The following FAT4 variants were observed in gnomAD, a reference collection of about 807,000 sequenced individuals.
FAT4 encodes the protein protocadherin Fat 4.
FAT4 carries 84 observed loss-of-function variants against 303.9 expected under a neutral mutation model. The ratio of observed to expected loss-of-function variants is 0.28; its 90% CI spans 0.23 to 0.33. FAT4 has a LOEUF of 0.33. FAT4 is among the 10% of genes least tolerant of loss of function. FAT4 has a pLI of 1.00. For missense variants in FAT4, 6,005 were observed against 6,146.8 expected (o/e 0.98, Z 0.77); for synonymous variants, 2,307 against 2,298.8 (o/e 1.00, Z -0.10).
At chr4:125,475,485 CA>C (rs1249467141) in intron 12 of FAT4, among the ~76,000 whole-genome samples, 1 of 151,930 alleles carries the variant, frequency 6.6e-6, no homozygotes, top group Non-Finnish European at 1.5e-5. Context: ...CCTTAGAATG[CA>C]AAAATACTAC....
intron 12 of FAT4, among the ~76,000 whole-genome samples, chr4:125,470,414 A>T (rs1197254607): frequency 6.6e-6 from 1 of 152,166 alleles, no homozygotes; most frequent in Non-Finnish European, 1.5e-5. Context: ...TTCTCTAGCT[A>T]TGAAAATCCT....
intron 10 of FAT4, among the ~76,000 whole-genome samples, chr4:125,461,740 T>C (rs1346916811): frequency 6.6e-6 from 1 of 151,952 alleles, no homozygotes; most frequent in Admixed American, 6.6e-5. Context: ...TATTACTTTA[T>C]TGATGACAAC....
At chr4:125,435,468 G>A (rs1725419537) in intron 8 of FAT4, among the ~76,000 whole-genome samples, 1 of 152,166 alleles carries the variant, frequency 6.6e-6, no homozygotes, top group African/African-American at 2.4e-5. Flanking sequence ...ATACGGATAT[G>A]GTAATGAGCT....
At chr4:125,484,215 A>T (rs1322164225) in intron 16 of FAT4, among the ~76,000 whole-genome samples, 1 of 152,076 alleles carries the variant, frequency 6.6e-6, no homozygotes, top group African/African-American at 2.4e-5. Flanking sequence ...AATAGTGATG[A>T]GAGGAGAGAG....
intron 11 of FAT4, among the ~76,000 whole-genome samples, chr4:125,464,510 T>C (rs1726591513): frequency 6.6e-6 from 1 of 151,756 alleles, no homozygotes; most frequent in Non-Finnish European, 1.5e-5. Flanking sequence ...GTCCCCTTTG[T>C]ATATCTATTT....
rs1236758384 is a variant in FAT4 at position 125,415,481 on chromosome 4, T to C, written c.6518T>C (p.Ile2173Thr). 2 of 1,614,078 alleles carry C rather than the reference T, an allele frequency of 1.2e-6. No individual in the cohort carries two copies. Among genetic ancestry groups the C allele is most frequent in the Non-Finnish European group, 1.7e-6 (2 of 1,179,972 alleles). Residue 2173 changes from isoleucine to threonine, a missense_variant, in exon 6 of 18, where the codon ATA becomes ACA. Coordinates refer to ENST00000394329, the MANE Select transcript of FAT4 (RefSeq NM_001291303.3). ...INENTLTGTD[I>T]IQVFAADGDE... ...GAAAACACACTTACTGGAACAGATA[T>C]AATACAAGTGTTCGCAGCAGATGGA...
chr4:125,323,078 C>T (rs893091405), intron 2 of FAT4, among the ~76,000 whole-genome samples: 1 of 152,084 alleles, frequency 6.6e-6, no homozygotes, highest in Non-Finnish European at 1.5e-5. Context: ...TGAATACTTA[C>T]ATGAAAATAT....
At chr4:125,411,107 A>G (rs1158991554) in intron 5 of FAT4, among the ~76,000 whole-genome samples, 1 of 152,060 alleles carries the variant, frequency 6.6e-6, no homozygotes, top group African/African-American at 2.4e-5. Context: ...ATAAATCTCA[A>G]TCACTGATCA....
chr4:125,350,282 G>T (rs969704777), intron 2 of FAT4, among the ~76,000 whole-genome samples: 2 of 151,442 alleles, frequency 1.3e-5, no homozygotes, highest in Non-Finnish European at 3.0e-5. Context: ...ATATTTGAAG[G>T]CTTTTTTTCT....
Position 125,317,446 on chromosome 4 carries a change from C to G in FAT4, c.1035C>G (p.Asp345Glu), listed in dbSNP as rs1411451861. The G allele has an allele frequency of 1.2e-6, 2 of 1,613,532 alleles. No individual in the cohort carries two copies. Among genetic ancestry groups the G allele is most frequent in the Non-Finnish European group, 1.7e-6 (2 of 1,180,058 alleles). ...GRAEALIQLL[D>E]VNDNDPVVKF... ...CCGAGGCGCTGATTCAGCTGCTGGA[C>G]GTGAATGACAATGACCCGGTAGTGA... The change falls in exon 2 of 18, where the codon GAC becomes GAG. Residue 345 changes from aspartate to glutamate, a missense_variant. Asp to Glu is a conservative substitution (Grantham distance 45, BLOSUM62 2). Coordinates refer to ENST00000394329, the MANE Select transcript of FAT4 (RefSeq NM_001291303.3). The surrounding 1 kb of genome is among the most constrained non-coding windows in gnomAD (Gnocchi z 7.0).
chr4:125,488,388 T>A (rs1727486839), intron 17 of FAT4, among the ~76,000 whole-genome samples: 1 of 152,100 alleles, frequency 6.6e-6, no homozygotes, highest in Non-Finnish European at 1.5e-5. Context: ...ATATTACAGA[T>A]CATTCAGGCT....
chr4:125,469,416 C>A (rs530797833), intron 12 of FAT4, among the ~76,000 whole-genome samples: 10 of 152,118 alleles, frequency 6.6e-5, no homozygotes, highest in Non-Finnish European at 1.2e-4. Flanking sequence ...TGAAAGATTT[C>A]TCTGTAGCAT....
At position 125,468,804 on chromosome 4, in the gene FAT4, C is replaced by T. The variant is rs1726762495; in HGVS notation, c.12198C>T (p.Ala4066=). Residue 4066 remains alanine, a synonymous_variant, in exon 12 of 18, where the codon GCC becomes GCT. Transcript: ENST00000394329. ...ATGGACATTTTCACACTGTGATTGCCAGGAGAGCAGGAATGGTAAGATATT... is the reference window on the plus strand; with the variant it reads ...ATGGACATTTTCACACTGTGATTGCTAGGAGAGCAGGAATGGTAAGATATT... ...VSDGHFHTVI[A]RRAGMAASLT... The T allele has an allele frequency of 1.2e-6, 2 of 1,610,096 alleles. No homozygotes were observed. The highest frequency in any genetic ancestry group is 1.7e-6 in the Non-Finnish European group (2 of 1,177,022).
Position 125,468,635 on chromosome 4 carries a change from A to C in FAT4, c.12029A>C (p.His4010Pro), listed in dbSNP as rs762314581. ...GTCAAATTTGCCACGATTAAAAGTC[A>C]TGCCTTATTGCTTTACAACTATGAC... ...IYVKFATIKS[H>P]ALLLYNYDNQ... The change falls in exon 12 of 18, where the codon CAT becomes CCT. Residue 4010 changes from histidine to proline, a missense_variant. Physicochemically the swap from His to Pro is moderately conservative, Grantham distance 77. Coordinates refer to ENST00000394329, the MANE Select transcript of FAT4 (RefSeq NM_001291303.3). 3.1e-6 allele frequency: 5 copies of C among 1,614,044 alleles called. No homozygotes were observed. The highest frequency in any genetic ancestry group is 3.3e-5 in the Admixed American group (2 of 59,990).
At chr4:125,358,007 T>C (rs1231618033) in intron 2 of FAT4, among the ~76,000 whole-genome samples, 2 of 152,162 alleles carry the variant, frequency 1.3e-5, no homozygotes, top group Non-Finnish European at 2.9e-5. Flanking sequence ...TATGGTTCTT[T>C]TAAGTAAGCC....
Position 125,318,334 on chromosome 4 carries a change from G to T in FAT4, c.1923G>T (p.Leu641Phe). Reference protein sequence around the residue: ...SFRLDPVSGRLSTISSLDREE... With the variant: ...SFRLDPVSGRFSTISSLDREE... ...GTCTGGATCCTGTGTCTGGGAGGTTGAGTACTATTTCCTCCTTGGACAGAG... is the reference window on the plus strand; with the variant it reads ...GTCTGGATCCTGTGTCTGGGAGGTTTAGTACTATTTCCTCCTTGGACAGAG... Residue 641 changes from leucine (L) to phenylalanine (F), a missense_variant, in exon 2 of 18, where the codon TTG becomes TTT. Transcript: ENST00000394329. 6.2e-7 allele frequency: 1 copy of T among 1,614,202 alleles called. No individual in the cohort carries two copies. The highest frequency in any genetic ancestry group is 1.1e-5 in the South Asian group (1 of 91,076).
chr4:125,385,771 T>C (rs1733724850), intron 2 of FAT4, among the ~76,000 whole-genome samples: 1 of 152,174 alleles, frequency 6.6e-6, no homozygotes, highest in African/African-American at 2.4e-5. Context: ...ATTTTGCACA[T>C]TATTTTCTTT....
intron 2 of FAT4, among the ~76,000 whole-genome samples, chr4:125,383,952 T>C (rs1423523198): frequency 6.6e-6 from 1 of 152,210 alleles, no homozygotes; most frequent in East Asian, 1.9e-4. Context: ...CCTATCAGAC[T>C]GACATACTTC....
rs1725933885 is a variant in FAT4 at position 125,449,014 on chromosome 4, C to T, written c.8004C>T (p.Ala2668=). The T allele has an allele frequency of 1.2e-6, 2 of 1,613,618 alleles. No individual in the cohort carries two copies. The highest frequency in any genetic ancestry group is 4.5e-5 in the East Asian group (2 of 44,872). ...DITVLDVNDN[A]PIFKEDPFIS... The stretch of plus-strand genomic sequence containing the variant: ...CAGTATTAGATGTCAATGATAATGC[C>T]CCAATTTTTAAGGAAGACCCATTTA... Residue 2668 remains alanine (A), a synonymous_variant, in exon 10 of 18, where the codon GCC becomes GCT. Coordinates refer to ENST00000394329, the MANE Select transcript of FAT4 (RefSeq NM_001291303.3).
Sources: gnomAD v4.1 joint callset for allele counts (sites outside exome capture counted in the v4.1 genomes callset) on GRCh38, gnomAD v4.1.1 for gene constraint, Gnocchi (gnomAD v3.1) non-coding constraint, MANE v1.5 for transcripts, NCBI Gene and HGNC (gene_info 2026-07-23, HGNC 2026-07-21) for gene names.